INHBC: variants seen among roughly 807,000 people sequenced by gnomAD.
INHBC encodes inhibin subunit beta C.
A neutral mutation model predicts 12.4 loss-of-function variants in INHBC; 10 were observed. That is an observed-to-expected ratio of 0.81 (90% confidence interval 0.50 to 1.37). The LOEUF (loss-of-function observed/expected upper bound fraction) is 1.37, where lower values mean the gene tolerates loss of function less well. INHBC is among the 40% of genes most tolerant of loss of function. The pLI, the probability that INHBC is intolerant of heterozygous loss-of-function variation, is 0.00. For synonymous variants in INHBC, 147 were observed against 171.6 expected, an observed-to-expected ratio of 0.86 and a Z score of 1.12; for missense variants, 382 against 439.4, an observed-to-expected ratio of 0.87 and a Z score of 1.17.
chr12:57,440,211 G>GGTTTT lies in INHBC; in HGVS notation c.313+5028_313+5032dup, dbSNP rs762960810. Among the ~76,000 whole-genome samples the GGTTTT allele has an allele frequency of 1.1e-4, 17 of 152,138 alleles. No homozygotes were observed. The East Asian group carries it at 2.3e-3, about 21-fold the overall frequency. On this transcript the variant is annotated intron_variant, in intron 1 of 1. Transcript: ENST00000309668. ...TCTACATGTACAACATGAAGTAAAA[G>GGTTTT]GTTTTGTTTTGTTTTGTTTTCTGAA...
rs367788559 is a variant in INHBC, at chr12:57,449,248, G to A, written c.314-29G>A. 48 of 1,583,178 alleles carry A rather than the reference G, an allele frequency of 3.0e-5. 2 individuals are homozygous for A. In the South Asian group the frequency reaches 3.9e-4, roughly 13 times the overall value. On this transcript the variant is annotated intron_variant, in intron 1 of 1. Transcript: ENST00000309668. ...TGGTAGAACTGACAGTCAGAAGGCC[G>A]CAATGACTGGGGCTTCTTATGTCCA... is the stretch of plus-strand genomic sequence containing the variant.
At chr12:57,449,127 C>G in intron 1 of INHBC, 150 bp from the exon 2 acceptor site, 1 of 1,052,540 alleles carries the variant, frequency 9.5e-7, no homozygotes, top group Non-Finnish European at 1.4e-6. Context: ...ATTGGAGGTC[C>G]AATTTCCAGC....
chr12:57,442,183 G>A (rs1251954056), intron 1 of INHBC, among the ~76,000 whole-genome samples: 3 of 152,280 alleles, frequency 2.0e-5, no homozygotes, highest in East Asian at 1.9e-4. Context: ...AAAGCACTGC[G>A]GCTGGCTTCC....
At position 57,452,061 on chromosome 12, in the gene INHBC, T is replaced by C. The variant is rs1055831993; in HGVS notation, c.*2039T>C. Among the ~76,000 whole-genome samples the C allele has an allele frequency of 4.6e-5, 7 of 152,200 alleles. No individual in the cohort carries two copies. The highest frequency in any genetic ancestry group is 1.7e-4 in the African/African-American group (7 of 41,444). Reference sequence around the variant, plus strand: ...TTTTAAATAAAAACAGGATCAGCATTATTCCCTTTCTTTTTTGGCTCTGTC... The same window carrying C: ...TTTTAAATAAAAACAGGATCAGCATCATTCCCTTTCTTTTTTGGCTCTGTC... On this transcript the variant is annotated 3_prime_UTR_variant, in exon 2 of 2. Coordinates refer to ENST00000309668, the MANE Select transcript of INHBC (RefSeq NM_005538.4).
chr12:57,443,597 T>C (rs1349638075), intron 1 of INHBC, among the ~76,000 whole-genome samples: 1 of 151,922 alleles, frequency 6.6e-6, no homozygotes, highest in East Asian at 1.9e-4. Context: ...TAAAACATTT[T>C]TCACTTAAAA....
intron 1 of INHBC, among the ~76,000 whole-genome samples, chr12:57,441,581 C>T (rs886742951): frequency 6.6e-6 from 1 of 150,808 alleles, no homozygotes; most frequent in Non-Finnish European, 1.5e-5. Context: ...GTGATGGTAG[C>T]ACCCCACTTC....
chr12:57,437,935 A>G (rs1281017235), intron 1 of INHBC, among the ~76,000 whole-genome samples: 1 of 151,818 alleles, frequency 6.6e-6, no homozygotes, highest in Non-Finnish European at 1.5e-5. Flanking sequence ...ACAGGCGAAC[A>G]CCACTAAACC....
chr12:57,442,765 G>A (rs1255104684), intron 1 of INHBC, among the ~76,000 whole-genome samples: 1 of 152,046 alleles, frequency 6.6e-6, no homozygotes, highest in African/African-American at 2.4e-5. Context: ...TGAGGTGGGC[G>A]GGTCACCTAA....
chr12:57,447,923 A>ATATATATATATATAT (rs1566551466), intron 1 of INHBC, among the ~76,000 whole-genome samples: 1 of 85,572 alleles, frequency 1.2e-5, no homozygotes, highest in Admixed American at 1.6e-4. Context: ...ATATATATAT[A>ATATATATATATATAT]AAATATATGT....
intron 1 of INHBC, among the ~76,000 whole-genome samples, chr12:57,447,402 C>T (rs2139834965): frequency 6.6e-6 from 1 of 151,426 alleles, no homozygotes; most frequent in African/African-American, 2.4e-5. Context: ...CCAGGCTTGT[C>T]TCAAACTCCT....
chr12:57,436,473 CTT>C (rs71084754), intron 1 of INHBC, among the ~76,000 whole-genome samples: 67 of 104,770 alleles, frequency 6.4e-4, no homozygotes, highest in Middle Eastern at 7.1e-3. Context: ...TTTTCTTTTT[CTT>C]TTTTTTTTTT....
intron 1 of INHBC, among the ~76,000 whole-genome samples, chr12:57,445,416 A>C (rs999247563): frequency 6.6e-6 from 1 of 152,244 alleles, no homozygotes; most frequent in Admixed American, 6.6e-5. Flanking sequence ...AATGAGTAGT[A>C]GAGGAAGTGG....
At position 57,449,482 on chromosome 12, in the gene INHBC, T is replaced by C; in HGVS notation, c.519T>C (p.Asp173=). ...TLATQYLLEV[D]ASGWHQLPLG... ...CTACTCAGTACCTGCTGGAGGTGGATGCCAGTGGCTGGCATCAACTCCCCC... is the reference window on the plus strand; with the variant it reads ...CTACTCAGTACCTGCTGGAGGTGGACGCCAGTGGCTGGCATCAACTCCCCC... Residue 173 remains aspartate, a synonymous_variant, in exon 2 of 2, where the codon GAT becomes GAC. Transcript: ENST00000309668. 1 of 1,614,190 alleles carries C rather than the reference T, an allele frequency of 6.2e-7. No homozygotes were observed. Among genetic ancestry groups the C allele is most frequent in the Non-Finnish European group, 8.5e-7 (1 of 1,180,010 alleles).
chr12:57,450,287 T>G lies in INHBC; in HGVS notation c.*265T>G. ...ATCCCGCTAGCCCCACTCCAGGGAC[T>G]CAGACCCATCTCCAACCATGAGCAA... On this transcript the variant is annotated 3_prime_UTR_variant, in exon 2 of 2. Transcript: ENST00000309668. 1 of 325,602 alleles carries G rather than the reference T, an allele frequency of 3.1e-6. No individual in the cohort carries two copies. The highest frequency in any genetic ancestry group is 5.6e-6 in the Non-Finnish European group (1 of 178,732). The allele number at this position is 325,602 out of a possible 1,614,324, so 20.2% of individuals were successfully genotyped here.
Position 57,434,833 on chromosome 12 carries a change from T to A in INHBC, c.-54T>A. Reference sequence around the variant, plus strand: ...GCCAGGACAGAGTTGAGACCACAGCTGTTGAGACCCTGAGCCCTGAGTCTG... The same window carrying A: ...GCCAGGACAGAGTTGAGACCACAGCAGTTGAGACCCTGAGCCCTGAGTCTG... On this transcript the variant is annotated 5_prime_UTR_variant, in exon 1 of 2. Coordinates refer to ENST00000309668, the MANE Select transcript of INHBC (RefSeq NM_005538.4). 3 of 1,516,136 alleles carry A rather than the reference T, an allele frequency of 2.0e-6. No homozygotes were observed. Among genetic ancestry groups the A allele is most frequent in the Non-Finnish European group, 2.7e-6 (3 of 1,113,860 alleles). The allele number at this position is 1,516,136 out of a possible 1,614,324, so 93.9% of individuals were successfully genotyped here.
At chr12:57,444,339 C>T (rs890049093) in intron 1 of INHBC, among the ~76,000 whole-genome samples, 4 of 151,810 alleles carry the variant, frequency 2.6e-5, no homozygotes, top group African/African-American at 9.7e-5. Context: ...TCAGGAGTTC[C>T]GGAGCGGCCT....
Position 57,449,268 on chromosome 12 carries a change from T to A in INHBC, c.314-9T>A. On this transcript the variant is annotated splice_polypyrimidine_tract_variant and intron_variant, in intron 1 of 1. Transcript: ENST00000309668. The stretch of plus-strand genomic sequence containing the variant: ...AGGCCGCAATGACTGGGGCTTCTTA[T>A]GTCCACAGGCCTCTCCACCATCAAC... The A allele has an allele frequency of 6.2e-7, 1 of 1,601,096 alleles. No homozygotes were observed.
chr12:57,447,922 T>TATATATATATATATAA (rs1324931217), intron 1 of INHBC, among the ~76,000 whole-genome samples: 1 of 75,648 alleles, frequency 1.3e-5, no homozygotes, highest in Non-Finnish European at 2.5e-5. Context: ...TATATATATA[T>TATATATATATATATAA]AAAATATATG....
chr12:57,441,231 G>A (rs1233128148), intron 1 of INHBC, among the ~76,000 whole-genome samples: 1 of 151,856 alleles, frequency 6.6e-6, no homozygotes, highest in Non-Finnish European at 1.5e-5. Flanking sequence ...GTGCATGTCT[G>A]TAATCCCAGC....
Sources: gnomAD v4.1 joint callset for allele counts (sites outside exome capture counted in the v4.1 genomes callset) on GRCh38, gnomAD v4.1.1 for gene constraint, MANE v1.5 for transcripts, NCBI Gene and HGNC (gene_info 2026-07-23, HGNC 2026-07-21) for gene names.